The following CR1L variants were observed in gnomAD, a reference collection of about 807,000 sequenced individuals.
The protein encoded by CR1L is complement C3b/C4b receptor 1 like.
A neutral mutation model predicts 62.3 loss-of-function variants in CR1L; 59 were observed. The ratio of observed to expected loss-of-function variants is 0.95; its 90% CI spans 0.77 to 1.18. The LOEUF is 1.18. CR1L is among the 50% of genes most tolerant of loss of function. The pLI, the probability that CR1L is intolerant of heterozygous loss-of-function variation, is 0.00. For missense variants in CR1L, 700 were observed against 702.8 expected (o/e 1.00, Z 0.04); for synonymous variants, 279 against 248.7 (o/e 1.12, Z -1.15).
At chr1:207,713,348 G>A (rs1340169378) in intron 10 of CR1L, among the ~76,000 whole-genome samples, 1 of 152,252 alleles carries the variant, frequency 6.6e-6, no homozygotes, top group African/African-American at 2.4e-5. Flanking sequence ...AATGGAATCT[G>A]TAATAGTGTA....
chr1:207,650,314 G>T (rs989630379), intron 1 of CR1L, among the ~76,000 whole-genome samples: 6 of 152,218 alleles, frequency 3.9e-5, no homozygotes, highest in Non-Finnish European at 7.3e-5. Flanking sequence ...CAGAGGACAA[G>T]CTGAAAACCA....
At chr1:207,720,355 T>G (rs1362691107) in intron 11 of CR1L, among the ~76,000 whole-genome samples, 1 of 152,188 alleles carries the variant, frequency 6.6e-6, no homozygotes, top group Non-Finnish European at 1.5e-5. Flanking sequence ...ACCCAGTATT[T>G]TTTCCCTAAG....
chr1:207,717,990 C>G (rs1253506888), intron 11 of CR1L, among the ~76,000 whole-genome samples: 1 of 152,156 alleles, frequency 6.6e-6, no homozygotes, highest in Non-Finnish European at 1.5e-5. Flanking sequence ...GTACTGAAAA[C>G]AAATGCTAAA....
intron 3 of CR1L, among the ~76,000 whole-genome samples, chr1:207,680,389 G>A (rs910961555): frequency 6.6e-6 from 1 of 152,124 alleles, no homozygotes; most frequent in African/African-American, 2.4e-5. Flanking sequence ...GAACAAAACT[G>A]GTGGATCATA....
At chr1:207,681,918 A>G in intron 3 of CR1L, among the ~76,000 whole-genome samples, 1 of 152,100 alleles carries the variant, frequency 6.6e-6, no homozygotes, top group East Asian at 1.9e-4. Flanking sequence ...GGCATTAAAA[A>G]ACAAAATGAG....
intron 8 of CR1L, among the ~76,000 whole-genome samples, chr1:207,700,041 T>G (rs148063800): frequency 0.01 from 1,556 of 151,972 alleles, 33 homozygotes; most frequent in African/African-American, 0.036. Flanking sequence ...TTTTTTAAAA[T>G]GAGCCTCATA....
chr1:207,706,559 A>T (rs1664271026), intron 9 of CR1L, among the ~76,000 whole-genome samples: 1 of 152,218 alleles, frequency 6.6e-6, no homozygotes, highest in African/African-American at 2.4e-5. Flanking sequence ...GGATAGAGAA[A>T]AAAACTCAGA....
chr1:207,669,078 G>A (rs1475757571), intron 1 of CR1L: 2 of 236,914 alleles, frequency 8.4e-6, no homozygotes, highest in Non-Finnish European at 1.7e-5. Flanking sequence ...TTGCAAAGAG[G>A]AAAAGTCAAG....
chr1:207,709,611 T>G (rs1438791095), intron 10 of CR1L, among the ~76,000 whole-genome samples: 1 of 151,986 alleles, frequency 6.6e-6, no homozygotes, highest in Non-Finnish European at 1.5e-5. Context: ...CCAAGGTAGG[T>G]GGATCACTTG....
intron 1 of CR1L, among the ~76,000 whole-genome samples, chr1:207,665,846 A>T (rs541453680): frequency 7.7e-4 from 118 of 152,368 alleles, no homozygotes; most frequent in Admixed American, 2.5e-3. Flanking sequence ...CACCTAGTGG[A>T]GGAGGAGCTG....
intron 1 of CR1L, among the ~76,000 whole-genome samples, chr1:207,664,102 A>T (rs1294727958): frequency 1.3e-5 from 2 of 152,208 alleles, no homozygotes; most frequent in Admixed American, 6.5e-5. Context: ...GGGACTCCTG[A>T]TCAGCAGCTG....
At chr1:207,662,467 G>A (rs11118288) in intron 1 of CR1L, among the ~76,000 whole-genome samples, 20,873 of 152,022 alleles carry the variant, frequency 0.14, 1,569 homozygotes, top group East Asian at 0.27. Flanking sequence ...CATTCGTCAC[G>A]TAGTTCTCGT....
chr1:207,707,676 A>G (rs116724523), intron 9 of CR1L, among the ~76,000 whole-genome samples: 2,014 of 152,208 alleles, frequency 0.013, 41 homozygotes, highest in African/African-American at 0.045. Flanking sequence ...ATTTATTTCA[A>G]TCCATTTGGT....
At chr1:207,678,760 G>A (rs1224464961) in intron 3 of CR1L, among the ~76,000 whole-genome samples, 2 of 152,130 alleles carry the variant, frequency 1.3e-5, no homozygotes, top group African/African-American at 4.8e-5. Context: ...TCCGGAGGCT[G>A]GAAGTACAAA....
At chr1:207,716,221 T>C (rs953151531) in intron 10 of CR1L, among the ~76,000 whole-genome samples, 4 of 152,152 alleles carry the variant, frequency 2.6e-5, no homozygotes, top group African/African-American at 9.6e-5. Flanking sequence ...AACAAAATTC[T>C]AAAAATTATA....
chr1:207,659,256 T>G (rs752251422), intron 1 of CR1L: 1 of 152,686 alleles, frequency 6.5e-6, no homozygotes, highest in Non-Finnish European at 1.5e-5. Context: ...GATTCCTGCA[T>G]GGTCTGCAGC....
At chr1:207,650,753 T>A (rs1309170511) in intron 1 of CR1L, among the ~76,000 whole-genome samples, 2 of 151,910 alleles carry the variant, frequency 1.3e-5, no homozygotes, top group African/African-American at 2.4e-5. Flanking sequence ...GGTGTGAATG[T>A]ACAGAAGTTG....
intron 1 of CR1L, among the ~76,000 whole-genome samples, chr1:207,662,615 G>T (rs1416755891): frequency 6.6e-6 from 1 of 152,058 alleles, no homozygotes; most frequent in Non-Finnish European, 1.5e-5. Context: ...GCTCAGAGTA[G>T]TTTGATCGTC....
intron 10 of CR1L, chr1:207,708,839 C>T (rs4147105): frequency 0.58 from 227,265 of 392,432 alleles, 70,323 homozygotes; most frequent in East Asian, 0.87. Flanking sequence ...TCAAACCCAT[C>T]TGGTGGGAGA....
Sources: allele counts gnomAD v4.1 joint callset (sites outside exome capture counted in the v4.1 genomes callset), GRCh38; gene constraint gnomAD v4.1.1; transcripts MANE v1.5; gene names NCBI Gene and HGNC (gene_info 2026-07-23, HGNC 2026-07-21).